The following ADAMTS3 variants were observed in gnomAD, a reference collection of about 807,000 sequenced individuals.
ADAMTS3 encodes ADAM metallopeptidase with thrombospondin type 1 motif 3, also known as A disintegrin and metalloproteinase with thrombospondin motifs 3.
A neutral mutation model predicts 129.0 loss-of-function variants in ADAMTS3; 73 were observed. That is an observed-to-expected ratio of 0.57 (90% CI 0.47 to 0.69). The LOEUF (loss-of-function observed/expected upper bound fraction) is 0.69, where lower values mean the gene tolerates loss of function less well. ADAMTS3 is among the 30% of genes least tolerant of loss of function. The probability of loss-of-function intolerance (pLI) is 0.00; values close to 1 mark genes in which losing one functional copy is unlikely to be tolerated. For synonymous variants in ADAMTS3, 477 were observed against 510.8 expected (o/e 0.93, Z 0.89); for missense variants, 1,457 against 1,514.5 (o/e 0.96, Z 0.63).
chr4:72,403,374 T>C (rs1457025196), intron 4 of ADAMTS3, among the ~76,000 whole-genome samples: 3 of 152,076 alleles, frequency 2.0e-5, no homozygotes, highest in African/African-American at 7.2e-5. Flanking sequence ...AATGTTTCTA[T>C]ATTCATGAAG....
chr4:72,473,573 G>T (rs1264819012), intron 3 of ADAMTS3, among the ~76,000 whole-genome samples: 1 of 151,530 alleles, frequency 6.6e-6, no homozygotes, highest in Non-Finnish European at 1.5e-5. Context: ...AAAAAACACG[G>T]TCCTACTACA....
intron 4 of ADAMTS3, among the ~76,000 whole-genome samples, chr4:72,380,708 G>A: frequency 6.6e-6 from 1 of 152,030 alleles, no homozygotes; most frequent in East Asian, 1.9e-4. Context: ...CACTACTCTA[G>A]TCTACAATAT....
intron 4 of ADAMTS3, among the ~76,000 whole-genome samples, chr4:72,352,033 T>G (rs1720453196): frequency 6.6e-6 from 1 of 151,972 alleles, no homozygotes; most frequent in Non-Finnish European, 1.5e-5. Flanking sequence ...ATAAGGAAAG[T>G]GGCACAATGG....
chr4:72,427,254 C>T (rs1006462868), intron 3 of ADAMTS3, among the ~76,000 whole-genome samples: 5 of 152,126 alleles, frequency 3.3e-5, no homozygotes, highest in African/African-American at 1.2e-4. Flanking sequence ...CCAGGCTACA[C>T]TCCTCCCAAT....
chr4:72,541,457 A>C (rs1184428903), intron 3 of ADAMTS3, among the ~76,000 whole-genome samples: 1 of 152,202 alleles, frequency 6.6e-6, no homozygotes, highest in Non-Finnish European at 1.5e-5. Context: ...GAAATAAGTT[A>C]AGACTTTGGG....
chr4:72,325,271 G>C (rs777031915), intron 5 of ADAMTS3, among the ~76,000 whole-genome samples: 27 of 152,192 alleles, frequency 1.8e-4, no homozygotes, highest in Non-Finnish European at 3.4e-4. Flanking sequence ...AAAAGCTGTT[G>C]TTTCTTATGG....
intron 4 of ADAMTS3, among the ~76,000 whole-genome samples, chr4:72,411,094 A>G (rs999392687): frequency 1.3e-5 from 2 of 152,158 alleles, no homozygotes; most frequent in African/African-American, 2.4e-5. Flanking sequence ...GACTTAAAAA[A>G]ACATATTTTT....
intron 4 of ADAMTS3, among the ~76,000 whole-genome samples, chr4:72,394,860 A>T (rs943519353): frequency 1.3e-5 from 2 of 152,172 alleles, no homozygotes; most frequent in African/African-American, 4.8e-5. Context: ...TTCATAGGCA[A>T]CATATGGTAT....
chr4:72,290,042 C>T (rs1718615614), intron 20 of ADAMTS3, among the ~76,000 whole-genome samples: 1 of 152,108 alleles, frequency 6.6e-6, no homozygotes, highest in African/African-American at 2.4e-5. Context: ...AAACTATTCT[C>T]CTATGACCCC....
chr4:72,318,429 T>C, intron 10 of ADAMTS3, 143 bp downstream of exon 10: 1 of 785,604 alleles, frequency 1.3e-6, no homozygotes, highest in Non-Finnish European at 2.0e-6. Context: ...AGCATTTAGC[T>C]GTAGCACACA....
At chr4:72,398,868 G>T (rs1721796655) in intron 4 of ADAMTS3, among the ~76,000 whole-genome samples, 1 of 152,144 alleles carries the variant, frequency 6.6e-6, no homozygotes, top group African/African-American at 2.4e-5. Flanking sequence ...ACAGTGAAAA[G>T]AATACAGCCC....
intron 3 of ADAMTS3, among the ~76,000 whole-genome samples, chr4:72,504,425 G>GCTGAGACCA (rs1391648035): frequency 2.6e-5 from 4 of 152,080 alleles, no homozygotes; most frequent in African/African-American, 9.7e-5. Context: ...TAAGGTTTCT[G>GCTGAGACCA]CTGAGACCAC....
intron 19 of ADAMTS3, among the ~76,000 whole-genome samples, chr4:72,291,684 T>C (rs1179663231): frequency 6.6e-6 from 1 of 151,908 alleles, no homozygotes; most frequent in Non-Finnish European, 1.5e-5. Flanking sequence ...AAGTCTTTGC[T>C]ATTGTGAATA....
intron 3 of ADAMTS3, among the ~76,000 whole-genome samples, chr4:72,531,708 C>T (rs917543466): frequency 6.6e-6 from 1 of 152,166 alleles, no homozygotes; most frequent in African/African-American, 2.4e-5. Flanking sequence ...TAGAAACTCA[C>T]AAGCATTTCT....
intron 3 of ADAMTS3, among the ~76,000 whole-genome samples, chr4:72,536,084 G>A (rs1446153796): frequency 2.0e-5 from 3 of 152,066 alleles, no homozygotes; most frequent in African/African-American, 4.8e-5. Flanking sequence ...ACTACATGGT[G>A]GTCAATTGTG....
intron 18 of ADAMTS3, among the ~76,000 whole-genome samples, chr4:72,296,132 G>C (rs893001911): frequency 1.3e-5 from 2 of 151,998 alleles, no homozygotes; most frequent in Non-Finnish European, 2.9e-5. Context: ...TTACAGTAGA[G>C]GGCACCAAAG....
In ADAMTS3 at chr4:72,569,136, T is replaced by G; in HGVS notation, c.-374A>C. On this transcript the variant is annotated 5_prime_UTR_variant, in exon 1 of 22. Transcript: ENST00000286657. ...TTCGAGCACCATTGGTCCCTAAGGT[T>G]AGCGCGGAGAATGCTTGGGTTCCCC... is the stretch of plus-strand genomic sequence containing the variant. 4.4e-6 allele frequency: 1 copy of G among 228,388 alleles called. No individual in the cohort carries two copies. Among genetic ancestry groups the G allele is most frequent in the Non-Finnish European group, 8.6e-6 (1 of 116,224 alleles). The allele number at this position is 228,388 out of a possible 1,614,324, so 14.1% of individuals were successfully genotyped here.
At position 72,527,990 on chromosome 4, in the gene ADAMTS3, A is replaced by G. The variant is rs184433736; in HGVS notation, c.504+20488T>C. 3.3e-5 allele frequency among the ~76,000 whole-genome samples: 5 copies of G among 152,316 alleles called. No individual in the cohort carries two copies. The East Asian group carries it at 9.6e-4, about 29-fold the overall frequency. ...TGCCTGGACTTGTGGATACAGAAGT[A>G]AGCATGACAGACACAGTCACCACTC... On this transcript the variant is annotated intron_variant, in intron 3 of 21. Coordinates refer to ENST00000286657, the MANE Select transcript of ADAMTS3 (RefSeq NM_014243.3).
At chr4:72,460,510 G>T (rs941768458) in intron 3 of ADAMTS3, among the ~76,000 whole-genome samples, 3 of 150,980 alleles carry the variant, frequency 2.0e-5, no homozygotes, top group Non-Finnish European at 4.4e-5. Flanking sequence ...AAGTACAAAG[G>T]CCTTTTAAAA....
Sources: allele counts gnomAD v4.1 joint callset (sites outside exome capture counted in the v4.1 genomes callset), GRCh38; gene constraint gnomAD v4.1.1; transcripts MANE v1.5; gene names NCBI Gene and HGNC (gene_info 2026-07-23, HGNC 2026-07-21).